The following STX8 variants were observed in gnomAD, a reference collection of about 807,000 sequenced individuals.
The protein encoded by STX8 is syntaxin-8.
STX8 carries 23 observed loss-of-function variants against 37.5 expected under a neutral mutation model. The observed-to-expected ratio is 0.61, with a 90% CI of 0.44 to 0.87. The LOEUF is 0.87. STX8 is among the 40% of genes least tolerant of loss of function. The pLI, the probability that STX8 is intolerant of heterozygous loss-of-function variation, is 0.00. For synonymous variants in STX8, 115 were observed against 99.1 expected (o/e 1.16, Z -0.95); for missense variants, 313 against 284.7 (o/e 1.10, Z -0.71).
In STX8 at chr17:9,361,955, G is replaced by T. The variant is rs1056741478; in HGVS notation, c.643+16597C>A. The stretch of plus-strand genomic sequence containing the variant: ...TTTATAGTTACAGTTTTAAAGAAAG[G>T]AAAGGCATCAAATCTGTACCCAAAA... On this transcript the variant is annotated intron_variant, in intron 7 of 7. Coordinates refer to ENST00000306357, the MANE Select transcript of STX8 (RefSeq NM_004853.3). Among the ~76,000 whole-genome samples, 6 of 152,178 alleles carry T rather than the reference G, an allele frequency of 3.9e-5. 1 individual carries two copies. The highest frequency in any genetic ancestry group is 1.4e-4 in the African/African-American group (6 of 41,436).
chr17:9,367,410 T>C (rs1911262733), intron 7 of STX8, among the ~76,000 whole-genome samples: 1 of 152,156 alleles, frequency 6.6e-6, no homozygotes, highest in Non-Finnish European at 1.5e-5. Flanking sequence ...ACAGCTGCTC[T>C]GTCCTCTGGC....
chr17:9,295,994 T>G (rs1280720462), intron 7 of STX8, among the ~76,000 whole-genome samples: 1 of 151,392 alleles, frequency 6.6e-6, no homozygotes, highest in Non-Finnish European at 1.5e-5. Flanking sequence ...ATTGAGACCA[T>G]CCTGGCTAAC....
chr17:9,497,074 A>G (rs181870184), intron 5 of STX8, among the ~76,000 whole-genome samples: 1 of 152,340 alleles, frequency 6.6e-6, no homozygotes, highest in Admixed American at 6.5e-5. Flanking sequence ...GTGTTTGGAT[A>G]TTTCCTATCT....
At chr17:9,547,802 GT>G (rs1906607837) in intron 3 of STX8, among the ~76,000 whole-genome samples, 2 of 95,382 alleles carry the variant, frequency 2.1e-5, no homozygotes, top group African/African-American at 9.1e-5. Context: ...TTTTTGTTTT[GT>G]TTTGTTAAGA....
At chr17:9,453,955 C>T (rs373558517) in intron 6 of STX8, among the ~76,000 whole-genome samples, 250 of 152,166 alleles carry the variant, frequency 1.6e-3, no homozygotes, top group Non-Finnish European at 2.7e-3. Flanking sequence ...AGAGGGAAGG[C>T]GAGGCTCTGG....
At chr17:9,379,681 G>C (rs560367671) in intron 6 of STX8, among the ~76,000 whole-genome samples, 1 of 151,994 alleles carries the variant, frequency 6.6e-6, no homozygotes, top group Non-Finnish European at 1.5e-5. Context: ...AAGAATCCTT[G>C]ATGTGGGCTG....
intron 6 of STX8, among the ~76,000 whole-genome samples, chr17:9,388,439 T>C (rs1276214724): frequency 6.6e-6 from 1 of 151,776 alleles, no homozygotes; most frequent in East Asian, 1.9e-4. Flanking sequence ...GGGGAAAAAG[T>C]AAACATTATC....
intron 7 of STX8, among the ~76,000 whole-genome samples, chr17:9,373,040 G>A (rs1911463130): frequency 6.7e-6 from 1 of 150,326 alleles, no homozygotes. Context: ...GGAGACGGAG[G>A]TTGCAGTGAG....
intron 6 of STX8, among the ~76,000 whole-genome samples, chr17:9,459,895 A>C (rs1905300242): frequency 6.6e-6 from 1 of 152,218 alleles, no homozygotes; most frequent in Non-Finnish European, 1.5e-5. Context: ...ACATCAAATA[A>C]GTTTTTTTGG....
chr17:9,376,127 G>A (rs1287916318), intron 7 of STX8, among the ~76,000 whole-genome samples: 4 of 152,166 alleles, frequency 2.6e-5, no homozygotes, highest in Admixed American at 6.5e-5. Context: ...AGGTGAAGCC[G>A]GCTGGACTTC....
intron 6 of STX8, among the ~76,000 whole-genome samples, chr17:9,474,781 G>A (rs1227464352): frequency 6.6e-6 from 1 of 152,186 alleles, no homozygotes; most frequent in Non-Finnish European, 1.5e-5. Context: ...GACCATCCTG[G>A]CTAACAGGGT....
chr17:9,464,762 G>A (rs1005039812), intron 6 of STX8: 4 of 137,554 alleles, frequency 2.9e-5, no homozygotes, highest in Admixed American at 8.2e-5. Flanking sequence ...TCACTCTATC[G>A]TGGAGGCTGG....
intron 7 of STX8, among the ~76,000 whole-genome samples, chr17:9,299,021 C>T (rs1264326581): frequency 6.6e-6 from 1 of 152,112 alleles, no homozygotes; most frequent in Non-Finnish European, 1.5e-5. Flanking sequence ...TTTCTCTTGT[C>T]GGTGTTTTGC....
At chr17:9,295,978 C>T (rs977697093) in intron 7 of STX8, among the ~76,000 whole-genome samples, 3 of 152,002 alleles carry the variant, frequency 2.0e-5, no homozygotes, top group Middle Eastern at 3.2e-3. Flanking sequence ...ATCACGAGGT[C>T]AGGAGATTGA....
intron 7 of STX8, among the ~76,000 whole-genome samples, chr17:9,338,331 G>A (rs1292598267): frequency 6.6e-6 from 1 of 152,098 alleles, no homozygotes; most frequent in African/African-American, 2.4e-5. Flanking sequence ...TGGGATTACA[G>A]GCGTGAGCCA....
chr17:9,503,746 A>T (rs2142497705), intron 5 of STX8, among the ~76,000 whole-genome samples: 1 of 152,256 alleles, frequency 6.6e-6, no homozygotes, highest in East Asian at 1.9e-4. Flanking sequence ...AAAGTCCATA[A>T]CACATACTAA....
At position 9,540,472 on chromosome 17, in the gene STX8, T is replaced by C. The variant is rs1483207903; in HGVS notation, c.323+4700A>G. ...CGTTACGGTGTTGGGTCTAAAGCAATCCTAGCCCAACAAGGAATCACCAAT... is the reference window on the plus strand; with the variant it reads ...CGTTACGGTGTTGGGTCTAAAGCAACCCTAGCCCAACAAGGAATCACCAAT... On this transcript the variant is annotated intron_variant, in intron 4 of 7. Coordinates refer to ENST00000306357, the MANE Select transcript of STX8 (RefSeq NM_004853.3). Among the ~76,000 whole-genome samples, 4 of 152,304 alleles carry C rather than the reference T, an allele frequency of 2.6e-5. No individual in the cohort carries two copies. The East Asian group carries it at 7.7e-4, about 29-fold the overall frequency.
At chr17:9,563,602 A>T (rs890536268) in intron 2 of STX8, among the ~76,000 whole-genome samples, 5 of 152,192 alleles carry the variant, frequency 3.3e-5, no homozygotes, top group Non-Finnish European at 7.3e-5. Flanking sequence ...ATAAACCAGA[A>T]ATTAATGAAA....
intron 6 of STX8, among the ~76,000 whole-genome samples, chr17:9,430,801 C>T (rs1913934454): frequency 6.6e-6 from 1 of 152,098 alleles, no homozygotes; most frequent in Non-Finnish European, 1.5e-5. Context: ...AGGCGACCGC[C>T]ACCATGCCTG....
Sources: gnomAD v4.1 joint callset for allele counts (sites outside exome capture counted in the v4.1 genomes callset) on GRCh38, gnomAD v4.1.1 for gene constraint, MANE v1.5 for transcripts, NCBI Gene and HGNC (gene_info 2026-07-23, HGNC 2026-07-21) for gene names.